BTRC: variants seen among roughly 807,000 people sequenced by gnomAD.
BTRC encodes the protein F-box/WD repeat-containing protein 1A.
Under a neutral mutation model 85.5 loss-of-function variants are expected in BTRC, and 42 were observed. The observed-to-expected ratio is 0.49, with a 90% confidence interval of 0.38 to 0.64. The LOEUF (loss-of-function observed/expected upper bound fraction) is 0.64. Ranked by LOEUF, BTRC falls within the 30% of genes least tolerant of loss-of-function variation. The probability of loss-of-function intolerance (pLI) is 0.00; values close to 1 mark genes in which losing one functional copy is unlikely to be tolerated. For synonymous variants in BTRC, 255 were observed against 263.3 expected (o/e 0.97, Z 0.30); for missense variants, 594 against 743.5 (o/e 0.80, Z 2.34).
In BTRC at chr10:101,479,361, T is replaced by C. The variant is rs772765182; in HGVS notation, c.235-7T>C. 5.0e-6 allele frequency: 8 copies of C among 1,609,002 alleles called. No homozygotes were observed. The highest frequency in any genetic ancestry group is 6.8e-6 in the Non-Finnish European group (8 of 1,176,004). ...AAAAACCTGTTTCCAACAAATTCTC[T>C]TTACAGACATACAACAGCTGTGCCA... is the stretch of plus-strand genomic sequence containing the variant. On this transcript the variant is annotated splice_polypyrimidine_tract_variant and splice_region_variant and intron_variant, in intron 3 of 14. Transcript: ENST00000370187.
intron 2 of BTRC, among the ~76,000 whole-genome samples, chr10:101,444,199 T>G (rs1202699987): frequency 6.6e-6 from 1 of 152,218 alleles, no homozygotes; most frequent in African/African-American, 2.4e-5. Flanking sequence ...TTTACATACC[T>G]TCTAAGGGAA....
At chr10:101,442,262 ATC>A (rs10531761) in intron 2 of BTRC, among the ~76,000 whole-genome samples, 29,986 of 129,182 alleles carry the variant, frequency 0.23, 5,638 homozygotes, top group African/African-American at 0.52. Context: ...TTGAATTAGA[ATC>A]TCTCTCTCTC....
chr10:101,359,657 A>G (rs918242434), intron 1 of BTRC, among the ~76,000 whole-genome samples: 4 of 149,726 alleles, frequency 2.7e-5, no homozygotes, highest in East Asian at 3.9e-4. Context: ...CTGGAGTGCA[A>G]TGGTGCAAAC....
intron 1 of BTRC, among the ~76,000 whole-genome samples, chr10:101,386,098 A>AG (rs1943071989): frequency 6.6e-6 from 1 of 152,180 alleles, no homozygotes; most frequent in Non-Finnish European, 1.5e-5. Context: ...TATTCAGGCA[A>AG]GGGGCCACAA....
chr10:101,538,646 A>G (rs891137346), intron 13 of BTRC, among the ~76,000 whole-genome samples: 2 of 152,198 alleles, frequency 1.3e-5, no homozygotes, highest in Non-Finnish European at 2.9e-5. Flanking sequence ...AGTGAATAAG[A>G]ATTCTGTATC....
At chr10:101,444,738 G>T (rs1395576514) in intron 2 of BTRC, among the ~76,000 whole-genome samples, 1 of 152,188 alleles carries the variant, frequency 6.6e-6, no homozygotes, top group African/African-American at 2.4e-5. Flanking sequence ...GCATGCTAAT[G>T]CAAGTTTCTT....
At position 101,438,085 on chromosome 10, in the gene BTRC, G is replaced by A. The variant is rs563001168; in HGVS notation, c.156+7633G>A. On this transcript the variant is annotated intron_variant, in intron 2 of 14. Coordinates refer to ENST00000370187, the MANE Select transcript of BTRC (RefSeq NM_033637.4). ...CTTGATTCTTTAACAAAAAATTCCT[G>A]ATTGGGTCTAACTTTTTACGTGTGT... Among the ~76,000 whole-genome samples the A allele has an allele frequency of 2.6e-5, 4 of 152,222 alleles. No homozygotes were observed. The South Asian group carries it at 8.3e-4, about 32-fold the overall frequency.
At chr10:101,450,554 A>G (rs768936755) in intron 2 of BTRC, among the ~76,000 whole-genome samples, 19 of 152,178 alleles carry the variant, frequency 1.2e-4, no homozygotes, top group Admixed American at 2.6e-4. Context: ...TACATGTTCC[A>G]GTATAACAGG....
chr10:101,432,428 A>G (rs1011666574), intron 2 of BTRC, among the ~76,000 whole-genome samples: 8 of 152,200 alleles, frequency 5.3e-5, no homozygotes, highest in African/African-American at 1.7e-4. Flanking sequence ...GCACTTGGCT[A>G]TATCCTATAT....
chr10:101,500,297 A>G (rs763016312), intron 4 of BTRC, among the ~76,000 whole-genome samples: 5 of 152,126 alleles, frequency 3.3e-5, no homozygotes, highest in Admixed American at 6.6e-5. Flanking sequence ...CAATCATAAC[A>G]TGATGGTGTT....
chr10:101,421,555 GTGCTGCACCCATTAACT>G (rs1944100440), intron 1 of BTRC, among the ~76,000 whole-genome samples: 26 of 151,420 alleles, frequency 1.7e-4, no homozygotes, highest in Admixed American at 1.7e-3. Flanking sequence ...CCATGTTGGT[GTGCTGCACCCATTAACT>G]CGTCATTTAC....
At chr10:101,429,623 C>G (rs1046488486) in intron 1 of BTRC, among the ~76,000 whole-genome samples, 17 of 149,114 alleles carry the variant, frequency 1.1e-4, no homozygotes, top group Admixed American at 2.7e-4. Context: ...TTCTCTCTCT[C>G]TGTGTCCCTG....
At chr10:101,407,209 G>A (rs976234995) in intron 1 of BTRC, among the ~76,000 whole-genome samples, 5 of 152,040 alleles carry the variant, frequency 3.3e-5, no homozygotes, top group South Asian at 2.1e-4. Context: ...AAAATTAGGC[G>A]TAGTGGTATA....
chr10:101,531,082 A>G (rs2062273167), intron 6 of BTRC, among the ~76,000 whole-genome samples, 155 bp from the exon 7 acceptor site: 1 of 152,060 alleles, frequency 6.6e-6, no homozygotes, highest in South Asian at 2.1e-4. Context: ...GAGGCAGGAG[A>G]ATCACTTGAA....
intron 2 of BTRC, among the ~76,000 whole-genome samples, chr10:101,447,159 TTTAA>T (rs1355436329): frequency 6.6e-5 from 10 of 152,204 alleles, no homozygotes; most frequent in Admixed American, 6.5e-4. Flanking sequence ...ATGTAGGTCA[TTTAA>T]TTATCCATTA....
intron 3 of BTRC, among the ~76,000 whole-genome samples, chr10:101,469,370 A>G (rs1945462277): frequency 6.6e-6 from 1 of 152,232 alleles, no homozygotes; most frequent in Non-Finnish European, 1.5e-5. Flanking sequence ...TGGAATGTCT[A>G]GAAAATAAAG....
intron 1 of BTRC, among the ~76,000 whole-genome samples, chr10:101,427,625 T>G (rs1944295124): frequency 6.6e-6 from 1 of 151,806 alleles, no homozygotes; most frequent in Admixed American, 6.6e-5. Flanking sequence ...TATCCCTGGC[T>G]CAAGCAGTCC....
Position 101,555,181 on chromosome 10 carries a change from A to G in BTRC, c.*2058A>G, listed in dbSNP as rs1015206670. ...CTATAGATGAAGGTAGAGGGCTGTC[A>G]GCCCTGAAAAACACACAGGTCAGAC... On this transcript the variant is annotated 3_prime_UTR_variant, in exon 15 of 15. Transcript: ENST00000370187. 1 of 152,686 alleles carries G rather than the reference A, an allele frequency of 6.5e-6. No homozygotes were observed. Among genetic ancestry groups the G allele is most frequent in the Non-Finnish European group, 1.5e-5 (1 of 68,052 alleles). 9.5% of individuals were successfully genotyped at this position (152,686 alleles called of 1,614,324 possible). A position where few individuals can be genotyped will look rare whatever the true frequency, so the allele number is the denominator to read the frequency against.
intron 1 of BTRC, among the ~76,000 whole-genome samples, chr10:101,396,027 AAT>A (rs1320708420): frequency 2.6e-5 from 4 of 151,976 alleles, no homozygotes; most frequent in African/African-American, 9.7e-5. Context: ...AGAGGTTTTT[AAT>A]ATATCTTTGT....
Sources: gnomAD v4.1 joint callset for allele counts (sites outside exome capture counted in the v4.1 genomes callset) on GRCh38, gnomAD v4.1.1 for gene constraint, MANE v1.5 for transcripts, NCBI Gene and HGNC (gene_info 2026-07-23, HGNC 2026-07-21) for gene names.